The following LAMC3 variants were observed in gnomAD, a reference collection of about 807,000 sequenced individuals.
The protein encoded by LAMC3 is laminin subunit gamma-3.
Under a neutral mutation model 173.8 loss-of-function variants are expected in LAMC3, and 128 were observed. That is an observed-to-expected ratio of 0.74 (90% CI 0.64 to 0.85). LAMC3 has a LOEUF of 0.85. Ranked by LOEUF, LAMC3 falls within the 40% of genes least tolerant of loss-of-function variation. The pLI, the probability that LAMC3 is intolerant of heterozygous loss-of-function variation, is 0.00. For synonymous variants in LAMC3, 897 were observed against 909.1 expected, an observed-to-expected ratio of 0.99 and a Z score of 0.24; for missense variants, 2,022 against 2,156.0, an observed-to-expected ratio of 0.94 and a Z score of 1.23.
rs548161331 is a variant in LAMC3 at position 131,072,726 on chromosome 9, G to A, written c.3308G>A (p.Cys1103Tyr). Residue 1103 changes from cysteine to tyrosine, a missense_variant, in exon 19 of 28, where the codon TGT becomes TAT. Coordinates refer to ENST00000361069, the MANE Select transcript of LAMC3 (RefSeq NM_006059.4). ...QLQRLNKGARCAQAGSQKTCT... is the reference protein window; with the variant it reads ...QLQRLNKGARYAQAGSQKTCT... ...CAGAGGCTGAACAAGGGTGCCCGCTGTGCCCAGGCCGGATCCCAGAAGACC... is the reference window on the plus strand; with the variant it reads ...CAGAGGCTGAACAAGGGTGCCCGCTATGCCCAGGCCGGATCCCAGAAGACC... 9.9e-6 allele frequency: 16 copies of A among 1,612,710 alleles called. No homozygotes were observed. The highest frequency in any genetic ancestry group is 4.5e-5 in the East Asian group (2 of 44,872).
At chr9:131,016,727 G>C (rs1225518470) in intron 1 of LAMC3, among the ~76,000 whole-genome samples, 2 of 152,164 alleles carry the variant, frequency 1.3e-5, no homozygotes, top group African/African-American at 4.8e-5. Context: ...TGAAGAAAAA[G>C]ACACAAGTTG....
In LAMC3 at chr9:131,082,836, G is replaced by A. The variant is rs370005419; in HGVS notation, c.4030+675G>A. 1.5e-4 allele frequency among the ~76,000 whole-genome samples: 23 copies of A among 152,284 alleles called. No individual in the cohort carries two copies. The East Asian group carries it at 4.5e-3, about 29-fold the overall frequency. On this transcript the variant is annotated intron_variant, in intron 24 of 27. Coordinates refer to ENST00000361069, the MANE Select transcript of LAMC3 (RefSeq NM_006059.4). ...CCCCAGATGTCTCTTGGGGTCTGAG[G>A]CCAGAAGTCAGGCTTCTGCTGTTGT... is the stretch of plus-strand genomic sequence containing the variant.
At chr9:131,091,169 C>T (rs1423827991) in intron 27 of LAMC3, among the ~76,000 whole-genome samples, 4 of 152,352 alleles carry the variant, frequency 2.6e-5, no homozygotes, top group South Asian at 2.1e-4. Flanking sequence ...TGAATTGAGC[C>T]AGCATGTTCA....
rs956089729 is a variant in LAMC3 at position 131,058,514 on chromosome 9, CTG to C, written c.2158+1368_2158+1369del. ...GACTCAGACCTCTTCCACTCCCACA[CTG>C]ACGGCTTCATGCCTAGACACCTGCT... On this transcript the variant is annotated intron_variant, in intron 12 of 27. Transcript: ENST00000361069. Among the ~76,000 whole-genome samples, 236 of 152,260 alleles carry C rather than the reference CTG, an allele frequency of 1.5e-3. 1 individual carries two copies. The highest frequency in any genetic ancestry group is 3.1e-3 in the Non-Finnish European group (209 of 68,002).
chr9:131,073,459 A>G, intron 20 of LAMC3, 138 bp downstream of exon 20: 1 of 724,876 alleles, frequency 1.4e-6, no homozygotes, highest in Non-Finnish European at 2.5e-6. Context: ...CAGTGTCACC[A>G]GCATGGGGAG....
At chr9:131,017,620 G>A (rs1025091603) in intron 1 of LAMC3, among the ~76,000 whole-genome samples, 2 of 151,266 alleles carry the variant, frequency 1.3e-5, no homozygotes, top group Non-Finnish European at 2.9e-5. Flanking sequence ...CAGCTACTTG[G>A]GAGGCTGAGG....
chr9:131,036,457 T>C, intron 4 of LAMC3, 125 bp downstream of exon 4: 4 of 1,037,840 alleles, frequency 3.9e-6, no homozygotes, highest in African/African-American at 1.6e-5. Context: ...GCTCGGGGTC[T>C]CTGTGCTGCT....
In LAMC3 at chr9:131,075,397, G is replaced by T. The variant is rs555018731; in HGVS notation, c.3495-434G>T. Among the ~76,000 whole-genome samples the T allele has an allele frequency of 1.3e-4, 20 of 152,076 alleles. No individual in the cohort carries two copies. The East Asian group carries it at 3.9e-3, about 29-fold the overall frequency. ...GAGACCAGCCTGGCCAATGTGGTGA[G>T]ACCCTGTCTCTACTAAAATACAAAA... On this transcript the variant is annotated intron_variant, in intron 20 of 27. Coordinates refer to ENST00000361069, the MANE Select transcript of LAMC3 (RefSeq NM_006059.4).
chr9:131,028,948 C>T (rs1833778497), intron 2 of LAMC3, among the ~76,000 whole-genome samples: 2 of 152,220 alleles, frequency 1.3e-5, no homozygotes, highest in Admixed American at 1.3e-4. Context: ...AATGTGTGAG[C>T]CACCACACCT....
At chr9:131,068,299 C>T (rs910667611) in intron 15 of LAMC3, 68 bp downstream of exon 15, 37 of 1,525,064 alleles carry the variant, frequency 2.4e-5, no homozygotes, top group Non-Finnish European at 3.2e-5. Flanking sequence ...CGGGCAGCCC[C>T]CAGGGAGGGG....
intron 3 of LAMC3, among the ~76,000 whole-genome samples, chr9:131,035,646 G>C (rs1833929768): frequency 6.6e-6 from 1 of 152,186 alleles, no homozygotes; most frequent in South Asian, 2.1e-4. Flanking sequence ...TGGACTCATG[G>C]GGGATTTGGA....
Position 131,081,253 on chromosome 9 carries a change from G to A in LAMC3, c.3928-806G>A, listed in dbSNP as rs1830233471. On this transcript the variant is annotated intron_variant, in intron 23 of 27. Coordinates refer to ENST00000361069, the MANE Select transcript of LAMC3 (RefSeq NM_006059.4). ...ATACTTCCTCCCTTTGAAAGGCTCGGTCATATTCCAGTGTGTGGATGAAGC... is the reference window on the plus strand; with the variant it reads ...ATACTTCCTCCCTTTGAAAGGCTCGATCATATTCCAGTGTGTGGATGAAGC... Among the ~76,000 whole-genome samples, 4 of 152,318 alleles carry A rather than the reference G, an allele frequency of 2.6e-5. No individual in the cohort carries two copies. The South Asian group carries it at 8.3e-4, about 32-fold the overall frequency.
intron 14 of LAMC3, 98 bp downstream of exon 14, chr9:131,067,303 G>C (rs1314575659): frequency 1.3e-6 from 2 of 1,507,250 alleles, no homozygotes; most frequent in African/African-American, 2.7e-5. Flanking sequence ...GAACCCACCA[G>C]AACCAGCTGG....
rs1830435549 is a variant in LAMC3 at position 131,091,934 on chromosome 9, C to T, written c.*147C>T. Reference sequence around the variant, plus strand: ...CCCCGTGTGGATAGTCACTCCCTGCCGATTCTGTCTGTGGCTTCTTCCCTG... The same window carrying T: ...CCCCGTGTGGATAGTCACTCCCTGCTGATTCTGTCTGTGGCTTCTTCCCTG... On this transcript the variant is annotated 3_prime_UTR_variant, in exon 28 of 28. Coordinates refer to ENST00000361069, the MANE Select transcript of LAMC3 (RefSeq NM_006059.4). The T allele has an allele frequency of 4.3e-6, 4 of 930,012 alleles. No homozygotes were observed. The highest frequency in any genetic ancestry group is 2.3e-5 in the Admixed American group (1 of 43,840). The allele number at this position is 930,012 out of a possible 1,614,324, so 57.6% of individuals were successfully genotyped here. A position where few individuals can be genotyped will look rare whatever the true frequency, so the allele number is the denominator to read the frequency against.
intron 11 of LAMC3, among the ~76,000 whole-genome samples, chr9:131,055,008 G>A (rs1305804140): frequency 6.6e-6 from 1 of 152,154 alleles, no homozygotes; most frequent in Non-Finnish European, 1.5e-5. Flanking sequence ...TGGGTGCTCT[G>A]TGAGGTTTTA....
intron 8 of LAMC3, among the ~76,000 whole-genome samples, chr9:131,048,020 A>G (rs963369014): frequency 1.4e-5 from 2 of 138,762 alleles, no homozygotes; most frequent in African/African-American, 5.5e-5. Flanking sequence ...CGCTAGGATT[A>G]TAGGTGTGAG....
At position 131,087,763 on chromosome 9, in the gene LAMC3, C is replaced by A. The variant is rs747672513; in HGVS notation, c.4423C>A (p.Arg1475Ser). ...SEMEQQIRES[R>S]ISLEKDIETL... ...GATGGAGCAGCAGATCCGGGAATCG[C>A]GTATCTCACTGGAGAAGGACATCGA... The change falls in exon 27 of 28, where the codon CGT becomes AGT. Residue 1475 changes from arginine (R) to serine (S), a missense_variant. Physicochemically the swap from Arg to Ser is moderately radical, Grantham distance 110 (BLOSUM62 -1). Transcript: ENST00000361069. 5.6e-6 allele frequency: 9 copies of A among 1,614,016 alleles called. No homozygotes were observed. Among genetic ancestry groups the A allele is most frequent in the Admixed American group, 5.0e-5 (3 of 60,004 alleles).
At chr9:131,090,456 C>G (rs1830405245) in intron 27 of LAMC3, among the ~76,000 whole-genome samples, 1 of 152,188 alleles carries the variant, frequency 6.6e-6, no homozygotes, top group Admixed American at 6.5e-5. Context: ...CATGGGGCCT[C>G]TTGAGGTCCT....
chr9:131,067,367 T>C (rs1020244161), intron 14 of LAMC3, among the ~76,000 whole-genome samples, 162 bp downstream of exon 14: 2 of 152,168 alleles, frequency 1.3e-5, no homozygotes, highest in African/African-American at 2.4e-5. Context: ...CCTGTCTCCA[T>C]GTCCAGAAAG....
Sources: allele counts gnomAD v4.1 joint callset (sites outside exome capture counted in the v4.1 genomes callset), GRCh38; gene constraint gnomAD v4.1.1; transcripts MANE v1.5; gene names NCBI Gene and HGNC (gene_info 2026-07-23, HGNC 2026-07-21).